The following TEP1 variants were observed in gnomAD, a reference collection of about 807,000 sequenced individuals.
The protein encoded by TEP1 is telomerase associated protein 1, also known as telomerase protein component 1.
Under a neutral mutation model 306.3 loss-of-function variants are expected in TEP1, and 241 were observed. The ratio of observed to expected loss-of-function variants is 0.79; its 90% CI spans 0.71 to 0.88. The LOEUF is 0.88. TEP1 is among the 40% of genes least tolerant of loss of function. The pLI, the probability that TEP1 is intolerant of heterozygous loss-of-function variation, is 0.00. For missense variants in TEP1, 3,051 were observed against 3,276.1 expected (o/e 0.93, Z 1.68); for synonymous variants, 1,289 against 1,305.5 (o/e 0.99, Z 0.27).
At chr14:20,402,134 C>T (rs534723707) in intron 7 of TEP1, among the ~76,000 whole-genome samples, 109 of 151,952 alleles carry the variant, frequency 7.2e-4, no homozygotes, top group Admixed American at 6.4e-3. Context: ...GGTGAAACCC[C>T]GTCTCTACTA....
chr14:20,384,642 A>G lies in TEP1; in HGVS notation c.3179T>C (p.Leu1060Pro). The change falls in exon 22 of 55, where the codon CTG becomes CCG. Residue 1060 changes from leucine to proline, a missense_variant. By Grantham distance (98) the Leu-to-Pro change is moderately conservative. This residue lies in a region of TEP1 where 1,507 missense variants were observed against 1,550.5 expected (regional missense o/e 0.97). Coordinates refer to ENST00000262715, the MANE Select transcript of TEP1 (RefSeq NM_007110.5). Reference protein sequence around the residue: ...SEEAARRISELKSYLSRQKGI... With the variant: ...SEEAARRISEPKSYLSRQKGI... ...TTTCTGTCTGCTTAGGTAGCTCTTC[A>G]GTTCTGAGATCCGACGTGCGGCCTC... The G allele has an allele frequency of 6.2e-7, 1 of 1,614,004 alleles. No individual in the cohort carries two copies. Among genetic ancestry groups the G allele is most frequent in the Non-Finnish European group, 8.5e-7 (1 of 1,180,026 alleles).
chr14:20,412,919 A>C (rs1480406651), intron 1 of TEP1, among the ~76,000 whole-genome samples: 1 of 151,736 alleles, frequency 6.6e-6, no homozygotes, highest in African/African-American at 2.4e-5. Flanking sequence ...TCCGCCTCCC[A>C]AAGTGCTGGG....
rs754209842 is a variant in TEP1 at position 20,407,985 on chromosome 14, G to C, written c.455C>G (p.Ser152Cys). Residue 152 changes from serine to cysteine, a missense_variant, in exon 2 of 55, where the codon TCT (serine) becomes TGT (cysteine). This residue lies in a region of TEP1 where 1,507 missense variants were observed against 1,550.5 expected (regional missense o/e 0.97). Transcript: ENST00000262715. Reference sequence around the variant, plus strand: ...CTGAGCCCTCCAACTTGGAGGCTCAGAGAGCAGGCAATTGCTGTTGTTCAC... The same window carrying C: ...CTGAGCCCTCCAACTTGGAGGCTCACAGAGCAGGCAATTGCTGTTGTTCAC... ...YRVNNSNCLL[S>C]EPPSWRAQHF... 6.2e-7 allele frequency: 1 copy of C among 1,614,216 alleles called. No individual in the cohort carries two copies. Among genetic ancestry groups the C allele is most frequent in the East Asian group, 2.2e-5 (1 of 44,888 alleles).
At chr14:20,376,549 G>C (rs1400146752) in intron 41 of TEP1, among the ~76,000 whole-genome samples, 1 of 152,242 alleles carries the variant, frequency 6.6e-6, no homozygotes, top group Non-Finnish European at 1.5e-5. Flanking sequence ...TCCCACAGCA[G>C]CTGCTCCAGA....
In TEP1 at chr14:20,395,888, T is replaced by A. The variant is rs1878160605; in HGVS notation, c.1721A>T (p.Asp574Val). ...ATTTCTGAGTTGAGCCTCGAGGGCA[T>A]CAATGGCATCATGGGCGTTAAGAAA... ...FRFLNAHDAI[D>V]ALEAQLRNQA... Residue 574 changes from aspartate to valine, a missense_variant, in exon 11 of 55, where the codon GAT (aspartate) becomes GTT (valine). By Grantham distance (152) the Asp-to-Val change is radical (BLOSUM62 -3). This residue lies in a region of TEP1 where 1,507 missense variants were observed against 1,550.5 expected (regional missense o/e 0.97). Coordinates refer to ENST00000262715, the MANE Select transcript of TEP1 (RefSeq NM_007110.5). 1 of 1,613,920 alleles carries A rather than the reference T, an allele frequency of 6.2e-7. No homozygotes were observed. The highest frequency in any genetic ancestry group is 1.3e-5 in the African/African-American group (1 of 74,862).
In TEP1 at chr14:20,384,071, CG is replaced by C; in HGVS notation, c.3500del (p.Thr1167ArgfsTer30). 1 of 1,612,774 alleles carries C rather than the reference CG, an allele frequency of 6.2e-7. No individual in the cohort carries two copies. The highest frequency in any genetic ancestry group is 8.5e-7 in the Non-Finnish European group (1 of 1,179,446). The part of the protein sequence containing the change: ...MLPHGRLSLV[T>X]GQSGQGKTAF... ...CTGTCTTGCCCTGTCCTGACTGCCC[CG>C]TCACCAGGCTCAGCCTTCCGTGGGG... On this transcript the variant is annotated frameshift_variant, in exon 24 of 55. Transcript: ENST00000262715. LOFTEE classifies it high-confidence loss of function.
In TEP1 at chr14:20,372,721, A is replaced by C; in HGVS notation, c.7076+12T>G. ...GCTGTTTCTATCCCATTAACCCATC[A>C]GCCTGTTTCACCTCAAATTTCCGGG... On this transcript the variant is annotated intron_variant, in intron 49 of 54. Transcript: ENST00000262715. The C allele has an allele frequency of 6.2e-7, 1 of 1,614,094 alleles. No homozygotes were observed. The highest frequency in any genetic ancestry group is 8.5e-7 in the Non-Finnish European group (1 of 1,180,006).
chr14:20,386,032 C>G (rs911963494), intron 20 of TEP1, 43 bp downstream of exon 20: 15 of 1,548,564 alleles, frequency 9.7e-6, no homozygotes, highest in Non-Finnish European at 1.3e-5. Flanking sequence ...CTGCCCCAAT[C>G]TTTGCTTCCT....
rs1332036703 is a variant in TEP1 at position 20,384,498 on chromosome 14, C to T, written c.3232G>A (p.Glu1078Lys). The T allele has an allele frequency of 6.2e-7, 1 of 1,614,004 alleles. No individual in the cohort carries two copies. Among genetic ancestry groups the T allele is most frequent in the African/African-American group, 1.3e-5 (1 of 74,916 alleles). ...KGITCRRYPCEWGGVAAGRPY... is the reference protein window; with the variant it reads ...KGITCRRYPCKWGGVAAGRPY... Reference sequence around the variant, plus strand: ...CGGCCAGCTGCCACACCCCCCCACTCACAGGGGTATCTGTGGGCAAATCAA... The same window carrying T: ...CGGCCAGCTGCCACACCCCCCCACTTACAGGGGTATCTGTGGGCAAATCAA... Residue 1078 changes from glutamate to lysine, a missense_variant, in exon 23 of 55, where the codon GAG (glutamate) becomes AAG (lysine). By Grantham distance (56) the Glu-to-Lys change is moderately conservative. Coordinates refer to ENST00000262715, the MANE Select transcript of TEP1 (RefSeq NM_007110.5).
rs1884707715 is a variant in TEP1 at position 20,369,685 on chromosome 14, T to C, written c.7412A>G (p.Lys2471Arg). The change falls in exon 52 of 55, where the codon AAA becomes AGA. Residue 2471 changes from lysine to arginine, a missense_variant. Physicochemically the swap from Lys to Arg is conservative, Grantham distance 26. Coordinates refer to ENST00000262715, the MANE Select transcript of TEP1 (RefSeq NM_007110.5). Reference protein sequence around the residue: ...SRTLISITQAKPESESSFLCA... With the variant: ...SRTLISITQARPESESSFLCA... ...CTGTTACCACTCACCAGATTCAGGT[T>C]TGGCTTGAGTTATCGATATTAGGGT... The C allele has an allele frequency of 5.0e-6, 8 of 1,614,028 alleles. No homozygotes were observed. The Admixed American group carries it at 1.3e-4, about 27-fold the overall frequency.
intron 12 of TEP1, among the ~76,000 whole-genome samples, chr14:20,394,977 G>A (rs1878067593): frequency 2.0e-5 from 3 of 152,136 alleles, no homozygotes; most frequent in Non-Finnish European, 2.9e-5. Flanking sequence ...TGGTACATCT[G>A]TCTTTGAGCC....
At chr14:20,406,137 C>G (rs992537558) in intron 3 of TEP1, 96 bp downstream of exon 3, 6 of 1,213,534 alleles carry the variant, frequency 4.9e-6, no homozygotes, top group Non-Finnish European at 7.1e-6. Context: ...TCCCTACCTT[C>G]CCCTTCCAAC....
chr14:20,387,319 G>C (rs527268021), intron 18 of TEP1, among the ~76,000 whole-genome samples: 2 of 148,480 alleles, frequency 1.3e-5, no homozygotes, highest in African/African-American at 4.9e-5. Context: ...GGTCGAGGCG[G>C]GCAGATCACC....
chr14:20,391,827 G>A, intron 12 of TEP1, 60 bp from the exon 13 acceptor site: 2 of 1,577,120 alleles, frequency 1.3e-6, no homozygotes, highest in Non-Finnish European at 1.7e-6. Context: ...CTTAGAGGCA[G>A]ACGGGGAGAT....
rs61740505 is a variant in TEP1 at position 20,376,223 on chromosome 14, G to A, written c.6130C>T (p.Arg2044Trp). The change falls in exon 42 of 55, where the codon CGG (arginine) becomes TGG (tryptophan). Residue 2044 changes from arginine (R) to tryptophan (W), a missense_variant. Around this residue, in one of 3 missense-constraint regions of TEP1, gnomAD observed 1,540 missense variants for 1,705.9 expected, o/e 0.90. Transcript: ENST00000262715. Reference protein sequence around the residue: ...VQLWPRQLLTRPHKAEDFPCG... With the variant: ...VQLWPRQLLTWPHKAEDFPCG... ...GGAAAGTCTTCTGCCTTGTGTGGCCGCGTCAGCAGCTGCCTTGGCCACAGC... is the reference window on the plus strand; with the variant it reads ...GGAAAGTCTTCTGCCTTGTGTGGCCACGTCAGCAGCTGCCTTGGCCACAGC... 234 of 1,614,148 alleles carry A rather than the reference G, an allele frequency of 1.4e-4. No homozygotes were observed. The African/African-American group carries it at 2.1e-3, about 15-fold the overall frequency.
chr14:20,398,747 C>T (rs969612563), intron 9 of TEP1, among the ~76,000 whole-genome samples: 4 of 152,108 alleles, frequency 2.6e-5, no homozygotes, highest in Non-Finnish European at 5.9e-5. Context: ...GAGGCCAGGC[C>T]GGTCAGTCCG....
chr14:20,389,034 G>A (rs1038253041), intron 17 of TEP1, among the ~76,000 whole-genome samples: 3 of 152,040 alleles, frequency 2.0e-5, no homozygotes, highest in African/African-American at 7.2e-5. Context: ...TGTAGTCCCA[G>A]GTACTCGGGA....
Position 20,368,184 on chromosome 14 carries a change from C to T in TEP1, c.*253G>A. 1 of 307,000 alleles carries T rather than the reference C, an allele frequency of 3.3e-6. No homozygotes were observed. 19.0% of individuals were successfully genotyped at this position (307,000 alleles called of 1,614,324 possible). A position where few individuals can be genotyped will look rare whatever the true frequency, so the allele number is the denominator to read the frequency against. On this transcript the variant is annotated 3_prime_UTR_variant, in exon 55 of 55. Transcript: ENST00000262715. ...ACCTACTAAAGATTTCATTCACTTT[C>T]TTGTGGTTCTAGTAAGGATTAATGT...
intron 49 of TEP1, 151 bp downstream of exon 49, chr14:20,372,582 A>C: frequency 8.1e-7 from 1 of 1,231,250 alleles, no homozygotes; most frequent in Non-Finnish European, 1.2e-6. Context: ...ATTCATTTAC[A>C]TTGCCATGGA....
Sources: allele counts gnomAD v4.1 joint callset (sites outside exome capture counted in the v4.1 genomes callset), GRCh38; gene constraint gnomAD v4.1.1; regional missense constraint gnomAD v4.1.1; transcripts MANE v1.5; gene names NCBI Gene and HGNC (gene_info 2026-07-23, HGNC 2026-07-21).